The following EED variants were observed in gnomAD, a reference collection of about 807,000 sequenced individuals.
EED encodes polycomb protein EED.
A neutral mutation model predicts 61.0 loss-of-function variants in EED; 9 were observed. The observed-to-expected ratio is 0.15, with a 90% CI of 0.09 to 0.26. The LOEUF is 0.26. Ranked by LOEUF, EED falls within the 10% of genes least tolerant of loss-of-function variation. The pLI, the probability that EED is intolerant of heterozygous loss-of-function variation, is 1.00. For synonymous variants in EED, 187 were observed against 174.4 expected (o/e 1.07, Z -0.57); for missense variants, 315 against 542.3 (o/e 0.58, Z 4.16).
intron 4 of EED, among the ~76,000 whole-genome samples, chr11:86,256,155 G>C (rs567173437): frequency 1.3e-5 from 2 of 152,290 alleles, no homozygotes; most frequent in East Asian, 3.9e-4. Flanking sequence ...GAGTTGAGTA[G>C]TTGTACAAGC....
the EED span, among the ~76,000 whole-genome samples, chr11:86,287,195 A>G: frequency 3.3e-5 from 5 of 152,030 alleles, no homozygotes; most frequent in Non-Finnish European, 5.9e-5. Context: ...TAACCTAGGG[A>G]AAATGAGTCT....
At position 86,278,436 on chromosome 11, in the gene EED, A is replaced by G. The variant is rs764331181; in HGVS notation, c.1237A>G (p.Ile413Val). Residue 413 changes from isoleucine (I) to valine (V), a missense_variant, in exon 12 of 12, where the codon ATT (isoleucine) becomes GTT (valine). This residue lies in a region of EED where 205 missense variants were observed against 455.4 expected (regional missense o/e 0.45). Coordinates refer to ENST00000263360, the MANE Select transcript of EED (RefSeq NM_003797.5). ...GACTCATCATAAATGTGGTGCTGCT[A>G]TTCGACAAACCAGTTTTAGCAGGGA... is the stretch of plus-strand genomic sequence containing the variant. ...TLTHHKCGAA[I>V]RQTSFSRDSS... The G allele has an allele frequency of 2.5e-6, 4 of 1,613,602 alleles. No homozygotes were observed. The highest frequency in any genetic ancestry group is 2.5e-6 in the Non-Finnish European group (3 of 1,179,816).
chr11:86,284,570 C>T, the EED span: 1 of 152,184 alleles, frequency 6.6e-6, no homozygotes, highest in Non-Finnish European at 1.5e-5. Flanking sequence ...AAAGTATGCT[C>T]TTTGCCCCAA....
intron 3 of EED, among the ~76,000 whole-genome samples, chr11:86,252,915 G>T (rs1360903081): frequency 2.0e-5 from 3 of 151,986 alleles, no homozygotes; most frequent in Non-Finnish European, 2.9e-5. Flanking sequence ...TACCATCCCT[G>T]GCTAATTTTT....
At chr11:86,267,604 C>T (rs1478159738) in intron 8 of EED, among the ~76,000 whole-genome samples, 1 of 151,732 alleles carries the variant, frequency 6.6e-6, no homozygotes, top group African/African-American at 2.4e-5. Context: ...TTATTTTGTT[C>T]TATTTGTTTT....
chr11:86,268,634 TGCGC>T, intron 9 of EED, 73 bp downstream of exon 9: 7 of 1,029,046 alleles, frequency 6.8e-6, no homozygotes, highest in Non-Finnish European at 9.7e-6. Flanking sequence ...TGTATGTGTG[TGCGC>T]ATGTTGGAAC....
intron 9 of EED, among the ~76,000 whole-genome samples, chr11:86,274,613 C>T (rs1164666762): frequency 6.6e-6 from 1 of 152,230 alleles, no homozygotes; most frequent in Non-Finnish European, 1.5e-5. Context: ...ACTGCTCAGT[C>T]GGGGTGGGAG....
rs138357898 is a variant in EED, at chr11:86,270,288, A to G, written c.966+1727A>G. The G allele has an allele frequency of 6.4e-4, 276 of 428,448 alleles. 2 individuals carry two copies. Among genetic ancestry groups the G allele is most frequent in the African/African-American group, 5.4e-3 (256 of 47,432 alleles). The allele number at this position is 428,448 out of a possible 1,614,324, so 26.5% of individuals were successfully genotyped here. A position where few individuals can be genotyped will look rare whatever the true frequency, so the allele number is the denominator to read the frequency against. On this transcript the variant is annotated intron_variant, in intron 9 of 11. Transcript: ENST00000263360. ...TTTCATGTGCTTATTTACCATTCGT[A>G]TATCCTTTTTGGTGATGTCTTTTCA...
intron 9 of EED, among the ~76,000 whole-genome samples, chr11:86,271,192 C>A (rs1003357541): frequency 6.6e-6 from 1 of 152,140 alleles, no homozygotes; most frequent in Non-Finnish European, 1.5e-5. Context: ...TTATTTACAA[C>A]TTCTTTGACT....
chr11:86,279,721 C>T (rs190884568), downstream of EED, among the ~76,000 whole-genome samples: 4 of 152,328 alleles, frequency 2.6e-5, no homozygotes, highest in East Asian at 7.7e-4. Context: ...GTGTTTGATA[C>T]TGCCCCTTTT....
downstream of EED, among the ~76,000 whole-genome samples, chr11:86,279,617 A>G (rs558360357): frequency 4.0e-5 from 6 of 151,848 alleles, no homozygotes; most frequent in Admixed American, 3.9e-4. Context: ...AGAAAAATAC[A>G]AAAGACTGAA....
intron 6 of EED, 122 bp from the exon 7 acceptor site, chr11:86,264,050 T>C (rs1395875156): frequency 1.5e-5 from 10 of 684,164 alleles, no homozygotes; most frequent in Non-Finnish European, 2.5e-5. Context: ...TAATATGGAT[T>C]CCATTTTTAG....
intron 6 of EED, among the ~76,000 whole-genome samples, chr11:86,258,651 G>T (rs111795436): frequency 6.6e-6 from 1 of 151,270 alleles, no homozygotes; most frequent in South Asian, 2.1e-4. Context: ...TGCCTCCCGG[G>T]TTTAAGAGAT....
At chr11:86,251,232 T>G (rs1945522905) in intron 2 of EED, among the ~76,000 whole-genome samples, 2 of 152,180 alleles carry the variant, frequency 1.3e-5, no homozygotes, top group South Asian at 2.1e-4. Context: ...TAGCAAAAAT[T>G]CGATGCTCAG....
At chr11:86,257,426 G>T in intron 5 of EED, 89 bp from the exon 6 acceptor site, 1 of 911,440 alleles carries the variant, frequency 1.1e-6, no homozygotes. Context: ...TACTTTAAGT[G>T]AAACTATTTT....
intron 9 of EED, chr11:86,270,245 A>G: frequency 1.8e-6 from 1 of 560,392 alleles, no homozygotes; most frequent in Non-Finnish European, 3.2e-6. Context: ...CCTGATGGCT[A>G]GTGATGTTGA....
At position 86,273,143 on chromosome 11, in the gene EED, C is replaced by G. The variant is rs141078440; in HGVS notation, c.967-3837C>G. Reference sequence around the variant, plus strand: ...GCCTCAAGCAATCCTCCTGATTCAGCCTCCCGAGTAGCTAGGACTAGAGGC... The same window carrying G: ...GCCTCAAGCAATCCTCCTGATTCAGGCTCCCGAGTAGCTAGGACTAGAGGC... On this transcript the variant is annotated intron_variant, in intron 9 of 11. Coordinates refer to ENST00000263360, the MANE Select transcript of EED (RefSeq NM_003797.5). Among the ~76,000 whole-genome samples, 122 of 152,276 alleles carry G rather than the reference C, an allele frequency of 8.0e-4. 1 individual carries two copies. The Middle Eastern group carries it at 0.017, about 21-fold the overall frequency.
intron 6 of EED, among the ~76,000 whole-genome samples, chr11:86,261,570 G>T (rs752114489): frequency 1.3e-4 from 20 of 152,234 alleles, no homozygotes; most frequent in Non-Finnish European, 2.8e-4. Flanking sequence ...GCTGTAGTAG[G>T]AACTGCTGTG....
chr11:86,249,661 G>A (rs572824156), intron 1 of EED, among the ~76,000 whole-genome samples: 12 of 139,380 alleles, frequency 8.6e-5, no homozygotes, highest in African/African-American at 3.1e-4. Context: ...TCTGATTTAT[G>A]AGTATTATTA....
Sources: gnomAD v4.1 joint callset for allele counts (sites outside exome capture counted in the v4.1 genomes callset) on GRCh38, gnomAD v4.1.1 for gene constraint, gnomAD v4.1.1 regional missense constraint, MANE v1.5 for transcripts, NCBI Gene and HGNC (gene_info 2026-07-23, HGNC 2026-07-21) for gene names.